Variants in CDS1 observed in about 807,000 individuals in gnomAD.
CDS1 encodes the protein phosphatidate cytidylyltransferase 1.
In CDS1, 41 loss-of-function variants were observed where a neutral mutation model predicts 62.1. The ratio of observed to expected loss-of-function variants is 0.66; its 90% CI spans 0.51 to 0.86. The LOEUF is 0.86. CDS1 is among the 40% of genes least tolerant of loss of function. The probability of loss-of-function intolerance (pLI) is 0.00; values close to 1 mark genes in which losing one functional copy is unlikely to be tolerated. For missense variants in CDS1, 470 were observed against 550.1 expected (o/e 0.85, Z 1.46); for synonymous variants, 185 against 192.6 (o/e 0.96, Z 0.32).
rs1016685223 is a variant in CDS1 at position 84,650,071 on chromosome 4, T to C, written c.*1385T>C. On this transcript the variant is annotated 3_prime_UTR_variant, in exon 13 of 13. Coordinates refer to ENST00000295887, the MANE Select transcript of CDS1 (RefSeq NM_001263.4). ...GGAGAAATAGATATATTTTAAATAATGTTTTGCTAATGAAAAGAGTAAATA... is the reference window on the plus strand; with the variant it reads ...GGAGAAATAGATATATTTTAAATAACGTTTTGCTAATGAAAAGAGTAAATA... 1 of 152,206 alleles carries C rather than the reference T, an allele frequency of 6.6e-6. No individual in the cohort carries two copies. The highest frequency in any genetic ancestry group is 2.4e-5 in the African/African-American group (1 of 41,462). The allele number at this position is 152,206 out of a possible 1,614,324, so 9.4% of individuals were successfully genotyped here.
At chr4:84,629,671 A>T (rs1723962589) in intron 5 of CDS1, among the ~76,000 whole-genome samples, 1 of 152,134 alleles carries the variant, frequency 6.6e-6, no homozygotes, top group African/African-American at 2.4e-5. Flanking sequence ...CTAGGAAAAC[A>T]CTTTATACCT....
At chr4:84,640,581 A>T (rs571087473) in intron 9 of CDS1, among the ~76,000 whole-genome samples, 1 of 152,316 alleles carries the variant, frequency 6.6e-6, no homozygotes, top group Admixed American at 6.5e-5. Flanking sequence ...CCTGTACCGT[A>T]TAATTGTGAT....
chr4:84,638,636 C>T (rs1724286907), intron 8 of CDS1, among the ~76,000 whole-genome samples: 1 of 152,010 alleles, frequency 6.6e-6, no homozygotes, highest in Non-Finnish European at 1.5e-5. Context: ...AGAGTTTATA[C>T]TCTTTTGAGA....
chr4:84,646,334 C>T (rs1724556861), intron 12 of CDS1, among the ~76,000 whole-genome samples: 1 of 151,880 alleles, frequency 6.6e-6, no homozygotes, highest in Non-Finnish European at 1.5e-5. Context: ...TTGATTTCTC[C>T]TCTCATCTTT....
chr4:84,611,071 T>C (rs1221625955), intron 3 of CDS1, among the ~76,000 whole-genome samples: 3 of 152,012 alleles, frequency 2.0e-5, no homozygotes, highest in Non-Finnish European at 2.9e-5. Context: ...AATCTGAAGG[T>C]TGAGTGGGAA....
chr4:84,619,211 T>C (rs1448511240), intron 4 of CDS1, among the ~76,000 whole-genome samples, 183 bp from the exon 5 acceptor site: 3 of 152,226 alleles, frequency 2.0e-5, no homozygotes, highest in Non-Finnish European at 2.9e-5. Context: ...AAATTTTTGC[T>C]AATCAATAAA....
intron 1 of CDS1, among the ~76,000 whole-genome samples, chr4:84,584,067 CAT>C (rs987179567): frequency 2.0e-5 from 3 of 152,142 alleles, no homozygotes; most frequent in Non-Finnish European, 4.4e-5. Flanking sequence ...ATGCACGTGA[CAT>C]AATAGTAATC....
chr4:84,641,863 C>A (rs1724393279), intron 10 of CDS1, among the ~76,000 whole-genome samples: 1 of 152,200 alleles, frequency 6.6e-6, no homozygotes, highest in Non-Finnish European at 1.5e-5. Context: ...TACATAAAAT[C>A]CATAATTTTT....
rs2148663744 is a variant in CDS1, at chr4:84,649,779, T to G, written c.*1093T>G. On this transcript the variant is annotated 3_prime_UTR_variant, in exon 13 of 13. Transcript: ENST00000295887. ...TGTCCCCTTGCTCCTTTGCATCATG[T>G]CATAAAATTTGAGGATATCAGCTGA... The G allele has an allele frequency of 6.6e-6, 1 of 152,272 alleles. No individual in the cohort carries two copies. The highest frequency in any genetic ancestry group is 1.9e-4 in the East Asian group (1 of 5,170). The allele number at this position is 152,272 out of a possible 1,614,324, so 9.4% of individuals were successfully genotyped here.
chr4:84,624,294 A>C (rs1367428886), intron 5 of CDS1, among the ~76,000 whole-genome samples: 3 of 150,508 alleles, frequency 2.0e-5, no homozygotes, highest in Admixed American at 6.6e-5. Context: ...AAACAAACAA[A>C]AAAAAAAAAA....
At chr4:84,584,978 T>C (rs1486960875) in intron 1 of CDS1, among the ~76,000 whole-genome samples, 1 of 152,250 alleles carries the variant, frequency 6.6e-6, no homozygotes, top group South Asian at 2.1e-4. Flanking sequence ...TGGTATAGTT[T>C]AGCATCAAGG....
chr4:84,624,388 C>T (rs1052099481), intron 5 of CDS1, among the ~76,000 whole-genome samples: 3 of 151,630 alleles, frequency 2.0e-5, no homozygotes, highest in Non-Finnish European at 4.4e-5. Flanking sequence ...CCTCCTCCAC[C>T]TCAGTGCCTT....
chr4:84,608,248 AC>A (rs1446517386), intron 2 of CDS1, among the ~76,000 whole-genome samples: 1 of 152,230 alleles, frequency 6.6e-6, no homozygotes, highest in Non-Finnish European at 1.5e-5. Flanking sequence ...ATCTTGGCTC[AC>A]TGAAAGCTCC....
chr4:84,625,009 C>T (rs897901689), intron 5 of CDS1, among the ~76,000 whole-genome samples: 2 of 151,970 alleles, frequency 1.3e-5, no homozygotes, highest in African/African-American at 2.4e-5. Flanking sequence ...TACAGGCATG[C>T]GCTACTGTGC....
At chr4:84,641,268 G>T (rs1006334326) in intron 10 of CDS1, among the ~76,000 whole-genome samples, 7 of 152,092 alleles carry the variant, frequency 4.6e-5, no homozygotes, top group Admixed American at 3.3e-4. Context: ...GTGTTGCTAT[G>T]TTGGCCAATC....
At position 84,637,589 on chromosome 4, in the gene CDS1, G is replaced by A. The variant is rs532862637; in HGVS notation, c.811-1335G>A. On this transcript the variant is annotated intron_variant, in intron 8 of 12. Transcript: ENST00000295887. ...TCACTTCCCACCAGGCCCCACCTCC[G>A]ACACTGAGGATTACAAGTGGACGTG... 7.1e-4 allele frequency among the ~76,000 whole-genome samples: 108 copies of A among 152,200 alleles called. 1 individual carries two copies. Among genetic ancestry groups the A allele is most frequent in the African/African-American group, 2.5e-3 (103 of 41,530 alleles).
intron 1 of CDS1, among the ~76,000 whole-genome samples, chr4:84,600,899 T>C (rs550463435): frequency 3.3e-5 from 5 of 152,116 alleles, no homozygotes; most frequent in Non-Finnish European, 7.4e-5. Context: ...CTGGGCACGG[T>C]GGCTCACACC....
At chr4:84,640,799 T>A (rs775041887) in intron 9 of CDS1, 39 bp from the exon 10 acceptor site, 1 of 1,451,836 alleles carries the variant, frequency 6.9e-7, no homozygotes, top group Non-Finnish European at 9.1e-7. Context: ...GAACTTTTGC[T>A]TTGTTTTTTG....
chr4:84,624,242 C>T (rs1244045110), intron 5 of CDS1, among the ~76,000 whole-genome samples: 3 of 148,468 alleles, frequency 2.0e-5, no homozygotes, highest in East Asian at 4.0e-4. Flanking sequence ...CCACTGCACT[C>T]CAGCCTGGGA....
Sources: gnomAD v4.1 joint callset for allele counts (sites outside exome capture counted in the v4.1 genomes callset) on GRCh38, gnomAD v4.1.1 for gene constraint, MANE v1.5 for transcripts, NCBI Gene and HGNC (gene_info 2026-07-23, HGNC 2026-07-21) for gene names.